The following LYN variants were observed in gnomAD, a reference collection of about 807,000 sequenced individuals.
LYN encodes LYN proto-oncogene, Src family tyrosine kinase, also known as tyrosine-protein kinase Lyn.
Under a neutral mutation model 65.0 loss-of-function variants are expected in LYN, and 12 were observed. The ratio of observed to expected loss-of-function variants is 0.18; its 90% CI spans 0.12 to 0.30. The LOEUF is 0.30. Ranked by LOEUF, LYN falls within the 10% of genes least tolerant of loss-of-function variation. The pLI, the probability that LYN is intolerant of heterozygous loss-of-function variation, is 1.00. For missense variants in LYN, 380 were observed against 623.2 expected (o/e 0.61, Z 4.16); for synonymous variants, 222 against 221.2 (o/e 1.00, Z -0.03).
intron 12 of LYN, among the ~76,000 whole-genome samples, chr8:55,999,835 G>T (rs1030439921): frequency 6.6e-6 from 1 of 151,998 alleles, no homozygotes; most frequent in African/African-American, 2.4e-5. Context: ...GCCAGGCATG[G>T]TGACGCATGC....
intron 10 of LYN, among the ~76,000 whole-genome samples, chr8:55,976,545 C>T (rs1013040865): frequency 6.6e-5 from 10 of 152,024 alleles, no homozygotes; most frequent in Non-Finnish European, 5.9e-5. Context: ...GATGAGCAAA[C>T]GGCACATGGC....
Position 55,947,644 on chromosome 8 carries a change from G to A in LYN, c.205G>A (p.Val69Ile). 1 of 1,613,718 alleles carries A rather than the reference G, an allele frequency of 6.2e-7. No individual in the cohort carries two copies. The highest frequency in any genetic ancestry group is 8.5e-7 in the Non-Finnish European group (1 of 1,179,622). Reference protein sequence around the residue: ...KDPEEQGDIVVALYPYDGIHP... With the variant: ...KDPEEQGDIVIALYPYDGIHP... ...TCCAGAGGAACAAGGAGACATTGTG[G>A]TAGCCTTGTACCCCTATGATGGCAT... The change falls in exon 4 of 13, where the codon GTA becomes ATA. Residue 69 changes from valine (V) to isoleucine (I), a missense_variant. Transcript: ENST00000519728.
intron 9 of LYN, among the ~76,000 whole-genome samples, chr8:55,967,131 A>G (rs916170363): frequency 2.7e-5 from 4 of 150,880 alleles, no homozygotes; most frequent in African/African-American, 9.8e-5. Context: ...GCGTGTACCT[A>G]TTGCCCTGAG....
intron 4 of LYN, among the ~76,000 whole-genome samples, chr8:55,948,483 G>A (rs1049537407): frequency 7.9e-5 from 12 of 152,164 alleles, no homozygotes; most frequent in African/African-American, 2.9e-4. Context: ...CTTTTGTGAG[G>A]ACGCCTGAGT....
At chr8:55,992,181 T>C (rs1289010056) in intron 10 of LYN, among the ~76,000 whole-genome samples, 2 of 152,212 alleles carry the variant, frequency 1.3e-5, no homozygotes, top group Admixed American at 1.3e-4. Flanking sequence ...CCTGACATTA[T>C]AATGAAGAGA....
chr8:55,957,384 A>G (rs150968226), intron 8 of LYN, among the ~76,000 whole-genome samples: 2 of 152,192 alleles, frequency 1.3e-5, no homozygotes, highest in African/African-American at 4.8e-5. Context: ...TCCTATGGAT[A>G]TTTGCTGGCA....
intron 10 of LYN, among the ~76,000 whole-genome samples, chr8:55,995,649 C>T (rs1318166193): frequency 6.6e-6 from 1 of 152,058 alleles, no homozygotes; most frequent in African/African-American, 2.4e-5. Flanking sequence ...GAAGTAAAAT[C>T]TCAGCTGAGA....
intron 7 of LYN, among the ~76,000 whole-genome samples, chr8:55,952,516 C>T (rs1038039860): frequency 2.0e-5 from 3 of 152,102 alleles, no homozygotes; most frequent in Admixed American, 6.5e-5. Flanking sequence ...GCTGAGATCG[C>T]GCCACTGCAC....
intron 1 of LYN, among the ~76,000 whole-genome samples, chr8:55,929,695 G>A (rs1806204539): frequency 6.6e-6 from 1 of 152,224 alleles, no homozygotes; most frequent in Non-Finnish European, 1.5e-5. Flanking sequence ...CTGGCATCCA[G>A]TGGGTAGAGG....
At chr8:55,950,625 C>T in intron 5 of LYN, 56 bp from the exon 6 acceptor site, 7 of 1,571,412 alleles carry the variant, frequency 4.5e-6, no homozygotes, top group Non-Finnish European at 6.1e-6. Context: ...TAATATTCTT[C>T]ACCTTTTTCT....
chr8:55,925,004 G>C (rs189421007), intron 1 of LYN, among the ~76,000 whole-genome samples: 2 of 152,140 alleles, frequency 1.3e-5, no homozygotes, highest in African/African-American at 4.8e-5. Flanking sequence ...ACCACACCTG[G>C]CTAATTTTTA....
intron 10 of LYN, 102 bp from the exon 11 acceptor site, chr8:55,998,244 A>G (rs1808430967): frequency 1.2e-6 from 1 of 835,324 alleles, no homozygotes; most frequent in Non-Finnish European, 1.9e-6. Flanking sequence ...AATAGTATAC[A>G]TGAAAAGATT....
In LYN at chr8:55,946,076, TC is replaced by T. The variant is rs1231769651; in HGVS notation, c.133-369del. Reference sequence around the variant, plus strand: ...GCACAACCGATCTGCGGACCAAAACTCCCTCTGCCCTCTGCCCGGGGCTAGA... The same window carrying T: ...GCACAACCGATCTGCGGACCAAAACTCCTCTGCCCTCTGCCCGGGGCTAGA... On this transcript the variant is annotated intron_variant, in intron 2 of 12. Transcript: ENST00000519728. 6.6e-5 allele frequency among the ~76,000 whole-genome samples: 10 copies of T among 152,218 alleles called. No individual in the cohort carries two copies. In the East Asian group the frequency reaches 1.9e-3, roughly 29 times the overall value.
chr8:55,993,206 G>GA (rs965212541), intron 10 of LYN, among the ~76,000 whole-genome samples: 12 of 151,778 alleles, frequency 7.9e-5, no homozygotes, highest in Admixed American at 7.9e-4. Flanking sequence ...GAATAATAAT[G>GA]AAAAAAAAGT....
chr8:55,956,312 C>T (rs1182730886), intron 8 of LYN, among the ~76,000 whole-genome samples: 1 of 152,106 alleles, frequency 6.6e-6, no homozygotes, highest in East Asian at 1.9e-4. Flanking sequence ...CGTTGACCAC[C>T]TGAGATTAAG....
chr8:55,883,130 G>A (rs1251086366), intron 1 of LYN, among the ~76,000 whole-genome samples: 1 of 152,184 alleles, frequency 6.6e-6, no homozygotes, highest in Non-Finnish European at 1.5e-5. Context: ...AATAGCTCAT[G>A]TAATTTATTG....
chr8:55,953,768 TA>T lies in LYN; in HGVS notation c.638-63del, dbSNP rs1261236203. 32 of 1,530,276 alleles carry T rather than the reference TA, an allele frequency of 2.1e-5. No homozygotes were observed. In the African/African-American group the frequency reaches 3.6e-4, roughly 17 times the overall value. The allele number at this position is 1,530,276 out of a possible 1,614,324, so 94.8% of individuals were successfully genotyped here. On this transcript the variant is annotated intron_variant, in intron 7 of 12. Transcript: ENST00000519728. ...ATAAGGCTAGTGTTCAACTTTTCTTTATAGACACAGGTAAAGTACAAAGTAT... is the reference window on the plus strand; with the variant it reads ...ATAAGGCTAGTGTTCAACTTTTCTTTTAGACACAGGTAAAGTACAAAGTAT...
chr8:55,981,528 T>G (rs2667983), intron 10 of LYN, among the ~76,000 whole-genome samples: 22,246 of 152,222 alleles, frequency 0.15, 2,193 homozygotes, highest in Middle Eastern at 0.23. Flanking sequence ...TAAAAAAATT[T>G]TTTTTAATAT....
intron 10 of LYN, among the ~76,000 whole-genome samples, chr8:55,982,317 T>TA (rs775207795): frequency 2.0e-5 from 3 of 152,172 alleles, no homozygotes; most frequent in Non-Finnish European, 2.9e-5. Context: ...GTTTTTTTTT[T>TA]AATCCTCAGA....
Sources: allele counts gnomAD v4.1 joint callset (sites outside exome capture counted in the v4.1 genomes callset), GRCh38; gene constraint gnomAD v4.1.1; transcripts MANE v1.5; gene names NCBI Gene and HGNC (gene_info 2026-07-23, HGNC 2026-07-21).